The following CHST11 variants were observed in gnomAD, a reference collection of about 807,000 sequenced individuals.
CHST11 encodes C4S-1.
In CHST11, 9 loss-of-function variants were observed where a neutral mutation model predicts 30.4. That is an observed-to-expected ratio of 0.30 (90% CI 0.18 to 0.52). CHST11 has a LOEUF of 0.52. Ranked by LOEUF, CHST11 falls within the 20% of genes least tolerant of loss-of-function variation. CHST11 has a pLI of 0.97. For synonymous variants in CHST11, 152 were observed against 187.8 expected (o/e 0.81, Z 1.56); for missense variants, 348 against 460.6 (o/e 0.76, Z 2.24).
intron 1 of CHST11, among the ~76,000 whole-genome samples, chr12:104,569,780 T>C: frequency 6.6e-6 from 1 of 152,178 alleles, no homozygotes; most frequent in Admixed American, 6.5e-5. Flanking sequence ...GCAGGTGGTA[T>C]TGGGGTGGCA....
chr12:104,731,260 G>A (rs557497144), intron 2 of CHST11, among the ~76,000 whole-genome samples: 10 of 152,260 alleles, frequency 6.6e-5, no homozygotes, highest in South Asian at 2.1e-4. Flanking sequence ...CCCCGCCCTG[G>A]AAAACAAGGG....
chr12:104,664,850 A>G (rs2039628692), intron 2 of CHST11, among the ~76,000 whole-genome samples: 1 of 152,226 alleles, frequency 6.6e-6, no homozygotes, highest in African/African-American at 2.4e-5. Flanking sequence ...CCATGTCACC[A>G]ATGTAGGCCC....
At chr12:104,610,188 T>C (rs1341673915) in intron 2 of CHST11, among the ~76,000 whole-genome samples, 1 of 152,166 alleles carries the variant, frequency 6.6e-6, no homozygotes, top group Non-Finnish European at 1.5e-5. Flanking sequence ...TCTGTGGGCA[T>C]GTCTGTTATA....
At chr12:104,636,647 G>C (rs964853011) in intron 2 of CHST11, among the ~76,000 whole-genome samples, 1 of 152,096 alleles carries the variant, frequency 6.6e-6, no homozygotes, top group South Asian at 2.1e-4. Flanking sequence ...CTGCTACTTT[G>C]CAGCTGTGTG....
chr12:104,491,573 G>T (rs1593967502), intron 1 of CHST11, among the ~76,000 whole-genome samples: 1 of 151,710 alleles, frequency 6.6e-6, no homozygotes, highest in Non-Finnish European at 1.5e-5. Flanking sequence ...GGCTCAAGTG[G>T]TCCTCCTGCC....
intron 1 of CHST11, among the ~76,000 whole-genome samples, chr12:104,541,025 A>T (rs2038280567): frequency 6.6e-6 from 1 of 152,118 alleles, no homozygotes; most frequent in Admixed American, 6.6e-5. Context: ...AGAGGAGATG[A>T]CCCAGCGTCC....
intron 2 of CHST11, among the ~76,000 whole-genome samples, chr12:104,664,241 C>T (rs1175442387): frequency 3.3e-5 from 5 of 152,130 alleles, no homozygotes; most frequent in Non-Finnish European, 7.4e-5. Context: ...GCGGCGGGAA[C>T]ATTTTTAAAA....
At chr12:104,496,725 CA>C (rs1399399044) in intron 1 of CHST11, among the ~76,000 whole-genome samples, 3 of 151,880 alleles carry the variant, frequency 2.0e-5, no homozygotes, top group Non-Finnish European at 4.4e-5. Flanking sequence ...GACTAATCCT[CA>C]AAACTTTTTT....
At chr12:104,609,536 A>G (rs964798740) in intron 2 of CHST11, among the ~76,000 whole-genome samples, 2 of 152,220 alleles carry the variant, frequency 1.3e-5, no homozygotes, top group African/African-American at 4.8e-5. Flanking sequence ...TTTCCAGTCA[A>G]GCCAGGGGAC....
intron 1 of CHST11, 68 bp from the exon 2 acceptor site, chr12:104,601,838 C>T (rs1484435223): frequency 1.5e-6 from 2 of 1,292,966 alleles, no homozygotes; most frequent in Non-Finnish European, 1.1e-6. Context: ...CTACTCTGTG[C>T]CTTTTTCTTT....
intron 1 of CHST11, among the ~76,000 whole-genome samples, chr12:104,599,917 C>T (rs149508263): frequency 1.3e-3 from 197 of 152,306 alleles, no homozygotes; most frequent in Middle Eastern, 6.8e-3. Flanking sequence ...CCCAGATTTC[C>T]CTGTTCATCA....
intron 2 of CHST11, among the ~76,000 whole-genome samples, chr12:104,678,810 G>C (rs906097198): frequency 6.6e-6 from 1 of 152,128 alleles, no homozygotes; most frequent in Non-Finnish European, 1.5e-5. Context: ...TGTGCGTCAG[G>C]CTCTCGGTTA....
intron 2 of CHST11, among the ~76,000 whole-genome samples, chr12:104,722,024 T>C (rs2040180910): frequency 6.6e-6 from 1 of 152,170 alleles, no homozygotes; most frequent in Non-Finnish European, 1.5e-5. Flanking sequence ...GGTCTTGCTC[T>C]GTCACCCAAG....
At chr12:104,515,272 G>A (rs1395131521) in intron 1 of CHST11, among the ~76,000 whole-genome samples, 1 of 152,196 alleles carries the variant, frequency 6.6e-6, no homozygotes, top group Non-Finnish European at 1.5e-5. Context: ...TGCGATAATG[G>A]CAGAGTTGAA....
chr12:104,730,981 A>G (rs2040252359), intron 2 of CHST11, among the ~76,000 whole-genome samples: 1 of 152,180 alleles, frequency 6.6e-6, no homozygotes, highest in Non-Finnish European at 1.5e-5. Context: ...TGCCCATCTT[A>G]CCTTCTGCCC....
chr12:104,726,613 A>G (rs551616121), intron 2 of CHST11, among the ~76,000 whole-genome samples: 1 of 152,284 alleles, frequency 6.6e-6, no homozygotes, highest in African/African-American at 2.4e-5. Flanking sequence ...GAGAAGCTCA[A>G]CAACCCTGCT....
In CHST11 at chr12:104,757,899, A is replaced by T; in HGVS notation, c.*96A>T. 2 of 1,279,826 alleles carry T rather than the reference A, an allele frequency of 1.6e-6. No homozygotes were observed. Among genetic ancestry groups the T allele is most frequent in the Non-Finnish European group, 2.1e-6 (2 of 937,112 alleles). 79.3% of individuals were successfully genotyped at this position (1,279,826 alleles called of 1,614,324 possible). ...ATATTGGGTTATTTTGTAAATTAAT[A>T]TTTCTTTGGGGATGATGCTGCGAGC... On this transcript the variant is annotated 3_prime_UTR_variant, in exon 3 of 3. Coordinates refer to ENST00000303694, the MANE Select transcript of CHST11 (RefSeq NM_018413.6). The surrounding 1 kb of genome is among the most constrained non-coding windows in gnomAD (Gnocchi z 6.5).
At chr12:104,650,318 A>T (rs1334237263) in intron 2 of CHST11, among the ~76,000 whole-genome samples, 1 of 151,944 alleles carries the variant, frequency 6.6e-6, no homozygotes, top group Non-Finnish European at 1.5e-5. Context: ...CTTTGGCCCA[A>T]CTCTTGTGTC....
chr12:104,730,134 C>A (rs1053333673), intron 2 of CHST11, among the ~76,000 whole-genome samples: 1 of 152,174 alleles, frequency 6.6e-6, no homozygotes, highest in Admixed American at 6.5e-5. Context: ...TGCTTCCAGT[C>A]GACTCTGAAA....
Sources: gnomAD v4.1 joint callset for allele counts (sites outside exome capture counted in the v4.1 genomes callset) on GRCh38, gnomAD v4.1.1 for gene constraint, Gnocchi (gnomAD v3.1) non-coding constraint, MANE v1.5 for transcripts, NCBI Gene and HGNC (gene_info 2026-07-23, HGNC 2026-07-21) for gene names.